The following PCCB variants were observed in gnomAD, a reference collection of about 807,000 sequenced individuals.
The protein encoded by PCCB is propionyl-CoA carboxylase beta chain, mitochondrial.
PCCB carries 43 observed loss-of-function variants against 60.7 expected under a neutral mutation model. The ratio of observed to expected loss-of-function variants is 0.71; its 90% CI spans 0.55 to 0.91. The LOEUF (loss-of-function observed/expected upper bound fraction) is 0.91. PCCB is among the 40% of genes least tolerant of loss of function. The pLI, the probability that PCCB is intolerant of heterozygous loss-of-function variation, is 0.00. For synonymous variants in PCCB, 276 were observed against 255.9 expected (o/e 1.08, Z -0.75); for missense variants, 766 against 702.8 (o/e 1.09, Z -1.02).
At chr3:136,289,631 A>G (rs1055958884) in intron 6 of PCCB, among the ~76,000 whole-genome samples, 1 of 151,938 alleles carries the variant, frequency 6.6e-6, no homozygotes, top group Admixed American at 6.6e-5. Flanking sequence ...TGACATTCAG[A>G]GAGATTGTTG....
rs145085073 is a variant in PCCB, at chr3:136,268,087, G to T, written c.543+6022G>T. Among the ~76,000 whole-genome samples, 592 of 93,664 alleles carry T rather than the reference G, an allele frequency of 6.3e-3. 9 individuals carry two copies. The highest frequency in any genetic ancestry group is 0.029 in the Middle Eastern group (6 of 206). 61.4% of individuals were successfully genotyped at this position (93,664 alleles called of 152,430 possible). On this transcript the variant is annotated intron_variant, in intron 5 of 14. Coordinates refer to ENST00000251654, the MANE Select transcript of PCCB (RefSeq NM_000532.5). ...GTGCGTGTGTGTGTGTGTGTGTGTAGATATATATATATATATATATATATA... is the reference window on the plus strand; with the variant it reads ...GTGCGTGTGTGTGTGTGTGTGTGTATATATATATATATATATATATATATA...
chr3:136,277,241 A>T (rs1053199103), intron 5 of PCCB, among the ~76,000 whole-genome samples: 5 of 152,204 alleles, frequency 3.3e-5, no homozygotes, highest in African/African-American at 1.2e-4. Context: ...CCTCCTGGTT[A>T]GCCAGGGTTT....
chr3:136,283,839 G>A lies in PCCB; in HGVS notation c.546G>A (p.Arg182=), dbSNP rs61598773. The A allele has an allele frequency of 9.3e-4, 1,503 of 1,608,040 alleles. 12 individuals carry two copies. In the African/African-American group the frequency reaches 0.018, roughly 20 times the overall value. ...CTTTTGCTTTTCTGTTTTGGCAGAG[G>A]AATGTTACGGCATCCGGAGTCATCC... ...SLAGYADIFL[R]NVTASGVIPQ... is the part of the protein sequence containing the mutation. The change falls in exon 6 of 15, where the codon AGG becomes AGA. Residue 182 remains arginine, a splice_region_variant and synonymous_variant. Transcript: ENST00000251654.
At chr3:136,298,209 G>C (rs1469626859) in intron 8 of PCCB, 137 bp downstream of exon 8, 1 of 1,036,214 alleles carries the variant, frequency 9.7e-7, no homozygotes, top group Admixed American at 1.7e-5. Flanking sequence ...GTGTGGGGAT[G>C]ATGTCATGTT....
In PCCB at chr3:136,271,953, A is replaced by G. The variant is rs572344515; in HGVS notation, c.543+9888A>G. Among the ~76,000 whole-genome samples the G allele has an allele frequency of 2.3e-4, 35 of 152,254 alleles. No individual in the cohort carries two copies. In the South Asian group the frequency reaches 4.1e-3, roughly 18 times the overall value. On this transcript the variant is annotated intron_variant, in intron 5 of 14. Transcript: ENST00000251654. Reference sequence around the variant, plus strand: ...TGTCTTGTTCCAGTTTTCAGGGGGAATGCTTTCAACTTTTCCCCATTCATT... The same window carrying G: ...TGTCTTGTTCCAGTTTTCAGGGGGAGTGCTTTCAACTTTTCCCCATTCATT...
chr3:136,293,718 G>T, intron 6 of PCCB, 38 bp from the exon 7 acceptor site: 1 of 1,273,622 alleles, frequency 7.9e-7, no homozygotes. Context: ...CAGCTCTGGT[G>T]CTCTGAGGTT....
chr3:136,328,844 T>G lies in PCCB; in HGVS notation c.1485T>G (p.Pro495=), dbSNP rs151094095. Residue 495 remains proline, a synonymous_variant, in exon 14 of 15, where the codon CCT becomes CCG. Transcript: ENST00000251654. The part of the protein sequence containing the change: ...EYIEKFANPF[P]AAVRGFVDDI... ...TCGAGAAGTTTGCCAACCCTTTCCC[T>G]GCAGCAGTGCGAGGTAGGGGACTGT... 6.9e-5 allele frequency: 111 copies of G among 1,613,394 alleles called. No individual in the cohort carries two copies. The African/African-American group carries it at 1.4e-3, about 20-fold the overall frequency.
intron 10 of PCCB, among the ~76,000 whole-genome samples, chr3:136,320,714 A>G (rs1329765117): frequency 6.6e-6 from 1 of 152,252 alleles, no homozygotes; most frequent in African/African-American, 2.4e-5. Flanking sequence ...GAATTTGTTC[A>G]TTAGCCCTCT....
At chr3:136,312,096 A>T (rs1388992214) in intron 9 of PCCB, among the ~76,000 whole-genome samples, 1 of 152,246 alleles carries the variant, frequency 6.6e-6, no homozygotes, top group Non-Finnish European at 1.5e-5. Context: ...AGACCAGTGG[A>T]ATAGAATAAA....
chr3:136,266,591 C>T (rs1941990065), intron 5 of PCCB, among the ~76,000 whole-genome samples: 1 of 151,320 alleles, frequency 6.6e-6, no homozygotes, highest in African/African-American at 2.4e-5. Context: ...CTGGTCCAGT[C>T]TTTTTGACTA....
At chr3:136,260,441 C>T in intron 3 of PCCB, 38 bp from the exon 4 acceptor site, 1 of 1,548,240 alleles carries the variant, frequency 6.5e-7, no homozygotes, top group Non-Finnish European at 8.9e-7. Context: ...TCTAGCCAGT[C>T]ACTATATTTG....
At chr3:136,325,167 G>T (rs1029597083) in intron 10 of PCCB, among the ~76,000 whole-genome samples, 1 of 152,156 alleles carries the variant, frequency 6.6e-6, no homozygotes, top group Non-Finnish European at 1.5e-5. Context: ...TGGGATTACA[G>T]GTGTGAGCCA....
At chr3:136,321,531 G>A (rs1209420681) in intron 10 of PCCB, among the ~76,000 whole-genome samples, 2 of 152,180 alleles carry the variant, frequency 1.3e-5, no homozygotes, top group East Asian at 1.9e-4. Context: ...AGAAGTGCAG[G>A]CAGGGGAAAT....
intron 3 of PCCB, among the ~76,000 whole-genome samples, 160 bp downstream of exon 3, chr3:136,256,783 GT>G (rs1312484295): frequency 6.6e-6 from 1 of 152,190 alleles, no homozygotes; most frequent in Non-Finnish European, 1.5e-5. Flanking sequence ...AATATTGTGT[GT>G]TTTTTACTTA....
intron 7 of PCCB, among the ~76,000 whole-genome samples, chr3:136,297,302 A>G (rs1459798695): frequency 6.6e-6 from 1 of 152,158 alleles, no homozygotes; most frequent in Non-Finnish European, 1.5e-5. Flanking sequence ...TGTGGACAAG[A>G]GACCGTAGGG....
At chr3:136,299,446 A>T (rs1239639009) in intron 8 of PCCB, among the ~76,000 whole-genome samples, 3 of 151,922 alleles carry the variant, frequency 2.0e-5, no homozygotes, top group Non-Finnish European at 4.4e-5. Context: ...GTATATATGC[A>T]TATGTATGCA....
At chr3:136,268,092 A>AGATATATATATATACG (rs1431233108) in intron 5 of PCCB, among the ~76,000 whole-genome samples, 2 of 54,474 alleles carry the variant, frequency 3.7e-5, no homozygotes, top group Non-Finnish European at 7.4e-5. Context: ...GTGTAGATAT[A>AGATATATATATATACG]TATATATATA....
At chr3:136,326,769 G>T (rs753131117) in intron 10 of PCCB, 34 bp from the exon 11 acceptor site, 2 of 1,382,630 alleles carry the variant, frequency 1.4e-6, no homozygotes, top group South Asian at 1.2e-5. Context: ...GGAATTGCCT[G>T]GATACTCAGT....
At position 136,316,899 on chromosome 3, in the gene PCCB, G is replaced by A. The variant is rs77495412; in HGVS notation, c.967-42G>A. 2.5e-6 allele frequency: 4 copies of A among 1,610,268 alleles called. No individual in the cohort carries two copies. In the Admixed American group the frequency reaches 6.7e-5, roughly 27 times the overall value. On this transcript the variant is annotated intron_variant, in intron 9 of 14. Transcript: ENST00000251654. ...TGTAGTGTCATTACATCTTATACTT[G>A]TCTTTACCATTTTGAGCTCAGAAGT...
Sources: allele counts gnomAD v4.1 joint callset (sites outside exome capture counted in the v4.1 genomes callset), GRCh38; gene constraint gnomAD v4.1.1; transcripts MANE v1.5; gene names NCBI Gene and HGNC (gene_info 2026-07-23, HGNC 2026-07-21).